Variants in HYAL1 observed in about 807,000 individuals in gnomAD.
HYAL1 encodes the protein hyaluronidase 1, also known as hyaluronidase-1.
Under a neutral mutation model 28.8 loss-of-function variants are expected in HYAL1, and 21 were observed. The observed-to-expected ratio is 0.73, with a 90% CI of 0.52 to 1.05. The LOEUF (loss-of-function observed/expected upper bound fraction) is 1.05. Ranked by LOEUF, HYAL1 falls within the 50% of genes least tolerant of loss-of-function variation. The pLI is 0.00. For missense variants in HYAL1, 491 were observed against 579.2 expected (o/e 0.85, Z 1.56); for synonymous variants, 200 against 230.1 (o/e 0.87, Z 1.18).
chr3:50,301,278 G>T (rs959568141), intron 2 of HYAL1, among the ~76,000 whole-genome samples: 1 of 152,180 alleles, frequency 6.6e-6, no homozygotes. Flanking sequence ...ATGTTGAATT[G>T]CCTGTGCCTG....
At chr3:50,301,844 C>T (rs1553712982) in intron 2 of HYAL1, among the ~76,000 whole-genome samples, 1 of 148,610 alleles carries the variant, frequency 6.7e-6, no homozygotes, top group Non-Finnish European at 1.5e-5. Flanking sequence ...CCCAGCTACT[C>T]GGAGGCTGAG....
chr3:50,310,066 T>C lies in HYAL1; in HGVS notation c.-309-289A>G, dbSNP rs1023262160. 5.3e-5 allele frequency among the ~76,000 whole-genome samples: 8 copies of C among 151,374 alleles called. No homozygotes were observed. The South Asian group carries it at 1.7e-3, about 31-fold the overall frequency. ...ATGGGAAATTGGAGAGAGAATAAAA[T>C]CATGTTTCAAAACGAATGTTCACCT... is the stretch of plus-strand genomic sequence containing the variant. On this transcript the variant is annotated intron_variant, in intron 1 of 5. Transcript: ENST00000320295.
rs782389987 is a variant in HYAL1 at position 50,302,476 on chromosome 3, C to T, written c.481G>A (p.Asp161Asn). 11 of 1,614,164 alleles carry T rather than the reference C, an allele frequency of 6.8e-6. No individual in the cohort carries two copies. Among genetic ancestry groups the T allele is most frequent in the Non-Finnish European group, 9.3e-6 (11 of 1,180,010 alleles). ...SRALVQAQHP[D>N]WPAPQVEAVA... ...GCCTCCACCTGAGGAGCTGGCCAAT[C>T]AGGGTGCTGTGCCTGTACCAGTGCC... Residue 161 changes from aspartate to asparagine, a missense_variant, in exon 2 of 4, where the codon GAT becomes AAT. By Grantham distance (23) the Asp-to-Asn change is conservative (BLOSUM62 1). Coordinates refer to ENST00000395144, the MANE Select transcript of HYAL1 (RefSeq NM_033159.4). The surrounding 1 kb of genome is among the most constrained non-coding windows in gnomAD (Gnocchi z 5.0).
chr3:50,311,739 A>C lies in HYAL1; in HGVS notation c.-310+525T>G, dbSNP rs587771595. 3.2e-3 allele frequency among the ~76,000 whole-genome samples: 344 copies of C among 107,784 alleles called. 3 individuals carry two copies. Among genetic ancestry groups the C allele is most frequent in the Middle Eastern group, 9.8e-3 (1 of 102 alleles). 70.7% of individuals were successfully genotyped at this position (107,784 alleles called of 152,430 possible). A position where few individuals can be genotyped will look rare whatever the true frequency, so the allele number is the denominator to read the frequency against. On this transcript the variant is annotated intron_variant, in intron 1 of 5. Transcript: ENST00000320295. ...TGGGGCTGATCCCCCCACCTCCCTCACGGACGGGGCGGCTGGCTGGGCAGA... is the reference window on the plus strand; with the variant it reads ...TGGGGCTGATCCCCCCACCTCCCTCCCGGACGGGGCGGCTGGCTGGGCAGA...
intron 1 of HYAL1, among the ~76,000 whole-genome samples, chr3:50,312,093 A>G (rs1553714976): frequency 7.2e-6 from 1 of 139,592 alleles, no homozygotes; most frequent in African/African-American, 2.8e-5. Flanking sequence ...TCCCTCCCGG[A>G]CGGGGCGGCT....
At chr3:50,311,616 G>T (rs1431421184) in intron 1 of HYAL1, among the ~76,000 whole-genome samples, 12 of 139,052 alleles carry the variant, frequency 8.6e-5, no homozygotes, top group East Asian at 2.5e-4. Flanking sequence ...TGGCCGGGCG[G>T]GGGGCTGACC....
In HYAL1 at chr3:50,302,642, G is replaced by T; in HGVS notation, c.315C>A (p.His105Gln). The change falls in exon 2 of 4, where the codon CAC becomes CAA. Residue 105 changes from histidine (H) to glutamine (Q), a missense_variant. Physicochemically the swap from His to Gln is conservative, Grantham distance 24. Transcript: ENST00000395144. This position sits in a 1 kb window ranked among gnomAD's most constrained non-coding sequence, Gnocchi z 5.0. ...GLPQNASLIA[H>Q]LARTFQDILA... ...GGATGTCCTGGAATGTGCGGGCCAG[G>T]TGGGCAATCAGGCTGGCATTCTGGG... 1.9e-6 allele frequency: 3 copies of T among 1,614,192 alleles called. No individual in the cohort carries two copies. Among genetic ancestry groups the T allele is most frequent in the Non-Finnish European group, 2.5e-6 (3 of 1,180,054 alleles).
At chr3:50,307,466 G>A (rs1390011326), upstream of HYAL1, among the ~76,000 whole-genome samples, 1 of 150,580 alleles carries the variant, frequency 6.6e-6, no homozygotes, top group Non-Finnish European at 1.5e-5. Flanking sequence ...GGATCACAAG[G>A]TCAGGAGATC....
In HYAL1 at chr3:50,302,493, A is replaced by T; in HGVS notation, c.464T>A (p.Val155Glu). The T allele has an allele frequency of 6.2e-7, 1 of 1,614,090 alleles. No individual in the cohort carries two copies. ...DIYRQRSRAL[V>E]QAQHPDWPAP... ...TGGCCAATCAGGGTGCTGTGCCTGT[A>T]CCAGTGCCCGTGAGCGCTGCCGGTA... The change falls in exon 2 of 4, where the codon GTA (valine) becomes GAA (glutamate). Residue 155 changes from valine to glutamate, a missense_variant. Transcript: ENST00000395144. The surrounding 1 kb of genome is among the most constrained non-coding windows in gnomAD (Gnocchi z 5.0).
intron 2 of HYAL1, among the ~76,000 whole-genome samples, 195 bp from the exon 3 acceptor site, chr3:50,301,272 T>C (rs1459717903): frequency 1.3e-5 from 2 of 152,170 alleles, no homozygotes; most frequent in African/African-American, 4.8e-5. Context: ...CAATAAATGT[T>C]GAATTGCCTG....
chr3:50,300,759 C>T lies in HYAL1; in HGVS notation c.1032G>A (p.Leu344=). 1 of 1,614,034 alleles carries T rather than the reference C, an allele frequency of 6.2e-7. No homozygotes were observed. Residue 344 remains leucine (L), a synonymous_variant, in exon 4 of 4, where the codon CTG becomes CTA. Coordinates refer to ENST00000395144, the MANE Select transcript of HYAL1 (RefSeq NM_033159.4). ...TGGTCACGTTCAGGATGAAGGGCCC[C>T]AGTGTAGTGTCCATATACTCCTTGA... ...QAIKEYMDTT[L]GPFILNVTSG...
chr3:50,302,673 C>T lies in HYAL1; in HGVS notation c.284G>A (p.Gly95Asp), dbSNP rs1366976535. Residue 95 changes from glycine to aspartate, a missense_variant, in exon 2 of 4, where the codon GGT becomes GAT. Transcript: ENST00000395144. The surrounding 1 kb of genome is among the most constrained non-coding windows in gnomAD (Gnocchi z 5.0). ...AATCAGGCTGGCATTCTGGGGCAGACCACCAAACACAGGCTCCCCAGTGGG... is the reference window on the plus strand; with the variant it reads ...AATCAGGCTGGCATTCTGGGGCAGATCACCAAACACAGGCTCCCCAGTGGG... ...YTPTGEPVFG[G>D]LPQNASLIAH... 1.2e-6 allele frequency: 2 copies of T among 1,614,104 alleles called. No individual in the cohort carries two copies. Among genetic ancestry groups the T allele is most frequent in the Admixed American group, 3.3e-5 (2 of 60,032 alleles).
In HYAL1 at chr3:50,300,587, C is replaced by G. The variant is rs782734624; in HGVS notation, c.1204G>C (p.Gly402Arg). 5.9e-5 allele frequency: 96 copies of G among 1,614,076 alleles called. No homozygotes were observed. Among genetic ancestry groups the G allele is most frequent in the Admixed American group, 1.2e-4 (7 of 59,998 alleles). Residue 402 changes from glycine to arginine, a missense_variant, in exon 4 of 4, where the codon GGT becomes CGT. Physicochemically the swap from Gly to Arg is moderately radical, Grantham distance 125. Coordinates refer to ENST00000395144, the MANE Select transcript of HYAL1 (RefSeq NM_033159.4). The stretch of plus-strand genomic sequence containing the variant: ...GCCTGATCTTCAAGTGAGAGGGCAC[C>G]CCGCAGGCTCAGGGGCCCACCACCA... ...TPGGGPLSLR[G>R]ALSLEDQAQM...
In HYAL1 at chr3:50,308,725, G is replaced by A. The variant is rs374148202; in HGVS notation, c.-191+934C>T. Among the ~76,000 whole-genome samples, 828 of 136,792 alleles carry A rather than the reference G, an allele frequency of 6.1e-3. 22 individuals are homozygous for A. Among genetic ancestry groups the A allele is most frequent in the African/African-American group, 0.02 (726 of 35,422 alleles). 89.7% of individuals were successfully genotyped at this position (136,792 alleles called of 152,430 possible). Reference sequence around the variant, plus strand: ...GCTGGGATTACAGGCATGAGCCACCGTGCCTGGCCTTTTTTTTTTTTTTTA... The same window carrying A: ...GCTGGGATTACAGGCATGAGCCACCATGCCTGGCCTTTTTTTTTTTTTTTA... On this transcript the variant is annotated intron_variant, in intron 2 of 5. Coordinates refer to the HYAL1 transcript ENST00000320295.
At position 50,301,001 on chromosome 3, in the gene HYAL1, T is replaced by C; in HGVS notation, c.977A>G (p.Asn326Ser). The C allele has an allele frequency of 1.4e-6, 2 of 1,448,464 alleles. No individual in the cohort carries two copies. Among genetic ancestry groups the C allele is most frequent in the South Asian group, 2.3e-5 (2 of 88,436 alleles). The allele number at this position is 1,448,464 out of a possible 1,614,324, so 89.7% of individuals were successfully genotyped here. A position where few individuals can be genotyped will look rare whatever the true frequency, so the allele number is the denominator to read the frequency against. The part of the protein sequence containing the change: ...AGVVLWVSWE[N>S]TRTKESCQAI... Reference sequence around the variant, plus strand: ...GCCTAAGCTCACCTTGGTTCTTGTATTTTCCCAGCTCACCCAGAGCACCAC... The same window carrying C: ...GCCTAAGCTCACCTTGGTTCTTGTACTTTCCCAGCTCACCCAGAGCACCAC... The change falls in exon 3 of 4, where the codon AAT becomes AGT. Residue 326 changes from asparagine to serine, a missense_variant. Asn to Ser is a conservative substitution (Grantham distance 46). Coordinates refer to ENST00000395144, the MANE Select transcript of HYAL1 (RefSeq NM_033159.4).
intron 1 of HYAL1, 56 bp from the exon 2 acceptor site, chr3:50,303,036 G>A: frequency 7.4e-7 from 1 of 1,343,606 alleles, no homozygotes; most frequent in Non-Finnish European, 1.0e-6. Context: ...TTCCCCCACT[G>A]CTCAGGGCTG....
At chr3:50,306,387 T>C (rs1311591102), upstream of HYAL1, among the ~76,000 whole-genome samples, 3 of 150,826 alleles carry the variant, frequency 2.0e-5, 1 homozygote, top group African/African-American at 7.4e-5. Flanking sequence ...TAGAGAGCAG[T>C]CTACAGCCTG....
At chr3:50,300,914 G>A in intron 3 of HYAL1, 74 bp downstream of exon 3, 1 of 1,507,418 alleles carries the variant, frequency 6.6e-7, no homozygotes, top group Non-Finnish European at 9.1e-7. Flanking sequence ...GAAAGGGTAA[G>A]TCAGGGTCTA....
Position 50,300,492 on chromosome 3 carries a change from G to A in HYAL1, c.1299C>T (p.Ser433=), listed in dbSNP as rs1702077471. 1 of 1,614,160 alleles carries A rather than the reference G, an allele frequency of 6.2e-7. No homozygotes were observed. The highest frequency in any genetic ancestry group is 1.3e-5 in the African/African-American group (1 of 75,038). ...CTCAGTGTGTGGCCAATCACCACAT[G>A]CTCTTCCGCTCACACCACGGTGCCT... ...GWQAPWCERK[S]MW Residue 433 remains serine, a synonymous_variant, in exon 4 of 4, where the codon AGC becomes AGT. Coordinates refer to ENST00000395144, the MANE Select transcript of HYAL1 (RefSeq NM_033159.4).
Sources: allele counts gnomAD v4.1 joint callset (sites outside exome capture counted in the v4.1 genomes callset), GRCh38; gene constraint gnomAD v4.1.1; non-coding constraint Gnocchi (gnomAD v3.1); transcripts MANE v1.5; gene names NCBI Gene and HGNC (gene_info 2026-07-23, HGNC 2026-07-21).